The following BCAR3 variants were observed in gnomAD, a reference collection of about 807,000 sequenced individuals.
BCAR3 encodes breast cancer anti-estrogen resistance protein 3.
BCAR3 carries 37 observed loss-of-function variants against 80.1 expected under a neutral mutation model. That is an observed-to-expected ratio of 0.46 (90% confidence interval 0.36 to 0.61). The LOEUF is 0.61. Ranked by LOEUF, BCAR3 falls within the 20% of genes least tolerant of loss-of-function variation. The probability of loss-of-function intolerance (pLI) is 0.00; values close to 1 mark genes in which losing one functional copy is unlikely to be tolerated. For synonymous variants in BCAR3, 389 were observed against 418.9 expected, an observed-to-expected ratio of 0.93 and a Z score of 0.87; for missense variants, 978 against 1,068.2, an observed-to-expected ratio of 0.92 and a Z score of 1.18.
At chr1:93,832,563 G>A (rs972148952) in intron 2 of BCAR3, among the ~76,000 whole-genome samples, 1 of 152,122 alleles carries the variant, frequency 6.6e-6, no homozygotes, top group Non-Finnish European at 1.5e-5. Flanking sequence ...GAAGCCTACA[G>A]GACCATCACA....
rs1553172033 is a variant in BCAR3 at position 93,785,912 on chromosome 1, G to GCATTTCT, written c.-63+59654_-63+59655insAGAAATG. Among the ~76,000 whole-genome samples, 8 of 115,450 alleles carry GCATTTCT rather than the reference G, an allele frequency of 6.9e-5. 1 individual carries two copies. The highest frequency in any genetic ancestry group is 2.8e-4 in the African/African-American group (6 of 21,448). 75.7% of individuals were successfully genotyped at this position (115,450 alleles called of 152,430 possible). A position where few individuals can be genotyped will look rare whatever the true frequency, so the allele number is the denominator to read the frequency against. On this transcript the variant is annotated intron_variant, in intron 2 of 13. Coordinates refer to the BCAR3 transcript ENST00000370244. The stretch of plus-strand genomic sequence containing the variant: ...AAAGCTAGTAAGTCATAAAAGTGCC[G>GCATTTCT]GCCGGGCGCGGTGGCTCACGCCTGT...
chr1:93,723,134 A>T (rs1212768872), intron 2 of BCAR3, among the ~76,000 whole-genome samples: 1 of 152,196 alleles, frequency 6.6e-6, no homozygotes, highest in Non-Finnish European at 1.5e-5. Context: ...TTTCCCTGAA[A>T]CACTGACTTG....
At chr1:93,642,218 C>G (rs1039973966) in intron 3 of BCAR3, 86 bp downstream of exon 3, 21 of 1,442,794 alleles carry the variant, frequency 1.5e-5, no homozygotes, top group Non-Finnish European at 1.9e-5. Flanking sequence ...ACAAACCAGG[C>G]TGCAGCATTA....
intron 6 of BCAR3, 125 bp from the exon 7 acceptor site, chr1:93,583,078 TCCAAAAGAAAA>T: frequency 8.5e-7 from 1 of 1,178,010 alleles, no homozygotes; most frequent in Non-Finnish European, 1.2e-6. Context: ...CATTTTCATT[TCCAAAAGAAAA>T]TTCAGTGTGA....
intron 2 of BCAR3, among the ~76,000 whole-genome samples, chr1:93,660,545 G>C (rs1647601455): frequency 6.6e-6 from 1 of 152,196 alleles, no homozygotes; most frequent in Non-Finnish European, 1.5e-5. Flanking sequence ...GTGCAGAAAT[G>C]ACATTTTTGG....
intron 1 of BCAR3, among the ~76,000 whole-genome samples, chr1:93,678,066 T>C (rs1194770864): frequency 6.6e-6 from 1 of 151,972 alleles, no homozygotes; most frequent in Non-Finnish European, 1.5e-5. Context: ...AAACCATTGG[T>C]TCTCAACCTG....
intron 2 of BCAR3, among the ~76,000 whole-genome samples, chr1:93,644,159 G>C (rs1472306262): frequency 6.6e-6 from 1 of 152,174 alleles, no homozygotes; most frequent in Non-Finnish European, 1.5e-5. Flanking sequence ...GGGAAAATTT[G>C]CATCTGTAAA....
At chr1:93,575,937 CTT>C (rs1402314144) in intron 8 of BCAR3, 75 bp downstream of exon 8, 27 of 1,340,846 alleles carry the variant, frequency 2.0e-5, no homozygotes, top group Non-Finnish European at 2.9e-5. Flanking sequence ...CTGCGCCTCT[CTT>C]TGTTCTAAAA....
intron 2 of BCAR3, among the ~76,000 whole-genome samples, chr1:93,832,450 C>T (rs1654599939): frequency 6.6e-6 from 1 of 152,208 alleles, no homozygotes; most frequent in Non-Finnish European, 1.5e-5. Flanking sequence ...ACCTGGCAGC[C>T]ACTCCTAGAG....
At chr1:93,689,898 T>C (rs1357660262) in intron 3 of BCAR3, among the ~76,000 whole-genome samples, 2 of 152,194 alleles carry the variant, frequency 1.3e-5, no homozygotes, top group African/African-American at 4.8e-5. Context: ...AAAACCTGAC[T>C]TGCTTGGATG....
rs1338662697 is a variant in BCAR3 at position 93,749,855 on chromosome 1, C to T, written c.-62-43713G>A. ...AAAATCTTCGTTCTTGATATTTGCTCAGTGAGTAATTTGCTTAAAGATGAT... is the reference window on the plus strand; with the variant it reads ...AAAATCTTCGTTCTTGATATTTGCTTAGTGAGTAATTTGCTTAAAGATGAT... On this transcript the variant is annotated intron_variant, in intron 2 of 13. Coordinates refer to the BCAR3 transcript ENST00000370244. Among the ~76,000 whole-genome samples, 3 of 150,270 alleles carry T rather than the reference C, an allele frequency of 2.0e-5. No individual in the cohort carries two copies. The East Asian group carries it at 5.8e-4, about 29-fold the overall frequency.
intron 3 of BCAR3, among the ~76,000 whole-genome samples, chr1:93,597,364 T>A (rs1042710873): frequency 3.9e-5 from 6 of 152,216 alleles, no homozygotes; most frequent in Non-Finnish European, 7.3e-5. Flanking sequence ...TTACTATAAT[T>A]GATGCTTTTC....
intron 7 of BCAR3, among the ~76,000 whole-genome samples, chr1:93,580,256 C>T (rs1377565655): frequency 6.6e-6 from 1 of 152,202 alleles, no homozygotes; most frequent in African/African-American, 2.4e-5. Context: ...TGAGACTGGA[C>T]TTCTTGCCAT....
chr1:93,631,999 T>C (rs1417915551), intron 3 of BCAR3, among the ~76,000 whole-genome samples: 2 of 152,150 alleles, frequency 1.3e-5, no homozygotes, highest in East Asian at 3.9e-4. Context: ...AGGGTTCAAG[T>C]ACCCATGCTG....
chr1:93,573,606 A>ATTT (rs1327902944), intron 8 of BCAR3, among the ~76,000 whole-genome samples: 82 of 136,784 alleles, frequency 6.0e-4, no homozygotes, highest in Middle Eastern at 3.8e-3. Context: ...CCTAAAATAT[A>ATTT]TTTTTATTAT....
intron 2 of BCAR3, among the ~76,000 whole-genome samples, chr1:93,786,645 G>GA (rs1652958465): frequency 6.6e-6 from 1 of 152,168 alleles, no homozygotes; most frequent in South Asian, 2.1e-4. Flanking sequence ...GAAGGCCAAA[G>GA]AAAGGCCCAA....
chr1:93,590,570 G>A (rs925535127), intron 4 of BCAR3, among the ~76,000 whole-genome samples: 16 of 152,212 alleles, frequency 1.1e-4, no homozygotes, highest in African/African-American at 2.4e-4. Flanking sequence ...GGAGACGGAC[G>A]GTGGTGATAG....
intron 2 of BCAR3, among the ~76,000 whole-genome samples, chr1:93,813,086 C>T (rs1337631019): frequency 1.3e-5 from 2 of 152,148 alleles, no homozygotes; most frequent in Non-Finnish European, 2.9e-5. Context: ...AGATGACCCT[C>T]CTTTCTCCTT....
At chr1:93,801,690 TGGCTC>T (rs1315308566) in intron 2 of BCAR3, among the ~76,000 whole-genome samples, 2 of 152,192 alleles carry the variant, frequency 1.3e-5, no homozygotes, top group East Asian at 3.9e-4. Context: ...CTGGGTGTGG[TGGCTC>T]ACGCCTATAA....
Sources: allele counts gnomAD v4.1 joint callset (sites outside exome capture counted in the v4.1 genomes callset), GRCh38; gene constraint gnomAD v4.1.1; transcripts MANE v1.5; gene names NCBI Gene and HGNC (gene_info 2026-07-23, HGNC 2026-07-21).